ITGA8: variants seen among roughly 807,000 people sequenced by gnomAD.
ITGA8 encodes integrin subunit alpha 8, also known as integrin alpha-8.
Under a neutral mutation model 142.3 loss-of-function variants are expected in ITGA8, and 91 were observed. The ratio of observed to expected loss-of-function variants is 0.64; its 90% CI spans 0.54 to 0.76. The LOEUF is 0.76. Ranked by LOEUF, ITGA8 falls within the 30% of genes least tolerant of loss-of-function variation. The pLI, the probability that ITGA8 is intolerant of heterozygous loss-of-function variation, is 0.00. For missense variants in ITGA8, 1,406 were observed against 1,327.7 expected (o/e 1.06, Z -0.92); for synonymous variants, 505 against 485.2 (o/e 1.04, Z -0.54).
At chr10:15,678,807 TGTTATAAC>T in intron 4 of ITGA8, 24 bp from the exon 5 acceptor site, 1 of 1,466,150 alleles carries the variant, frequency 6.8e-7, no homozygotes, top group East Asian at 2.3e-5. Flanking sequence ...AATACATAAA[TGTTATAAC>T]GTTATCATTC....
intron 2 of ITGA8, among the ~76,000 whole-genome samples, chr10:15,702,857 G>A (rs1310347714): frequency 6.6e-6 from 1 of 152,082 alleles, no homozygotes; most frequent in Non-Finnish European, 1.5e-5. Flanking sequence ...ACAGTACAAA[G>A]TAACAAAACT....
At chr10:15,655,541 C>G (rs1266282640) in intron 10 of ITGA8, 135 bp from the exon 11 acceptor site, 2 of 681,528 alleles carry the variant, frequency 2.9e-6, no homozygotes, top group African/African-American at 3.7e-5. Flanking sequence ...TCGAAGTGGC[C>G]AGGGTCTTTT....
rs192963510 is a variant in ITGA8, at chr10:15,579,606, G to T, written c.2373-4012C>A. 4.6e-5 allele frequency among the ~76,000 whole-genome samples: 7 copies of T among 152,054 alleles called. No individual in the cohort carries two copies. The East Asian group carries it at 1.2e-3, about 25-fold the overall frequency. On this transcript the variant is annotated intron_variant, in intron 23 of 29. Transcript: ENST00000378076. ...ATACATTAATTGTAAATTTTGAAAA[G>T]ATATAAAAATAAGATAGTAGAAAAT...
intron 8 of ITGA8, 150 bp downstream of exon 8, chr10:15,671,453 T>A: frequency 1.7e-6 from 1 of 593,096 alleles, no homozygotes; most frequent in Non-Finnish European, 3.0e-6. Context: ...TGTATCAAAG[T>A]ATTTTTTCTA....
At chr10:15,700,730 A>G (rs2131726157) in intron 2 of ITGA8, among the ~76,000 whole-genome samples, 1 of 152,256 alleles carries the variant, frequency 6.6e-6, no homozygotes, top group East Asian at 1.9e-4. Flanking sequence ...AGAAAAAAAC[A>G]AACAATCCCA....
At chr10:15,626,960 A>T (rs1458230177) in intron 13 of ITGA8, among the ~76,000 whole-genome samples, 1 of 152,088 alleles carries the variant, frequency 6.6e-6, no homozygotes, top group Non-Finnish European at 1.5e-5. Context: ...TGCAAGGGAG[A>T]TGGGAGAGGA....
intron 13 of ITGA8, among the ~76,000 whole-genome samples, chr10:15,634,367 A>G (rs1833735343): frequency 2.0e-5 from 3 of 152,106 alleles, no homozygotes; most frequent in Admixed American, 2.0e-4. Context: ...TGATTTATAC[A>G]TATTATCTAG....
chr10:15,668,478 G>T (rs543288735), intron 8 of ITGA8, among the ~76,000 whole-genome samples: 1 of 150,058 alleles, frequency 6.7e-6, no homozygotes, highest in African/African-American at 2.4e-5. Context: ...TATGCGATTT[G>T]CCAGTCTGTG....
intron 25 of ITGA8, among the ~76,000 whole-genome samples, chr10:15,567,837 C>T (rs1465224271): frequency 6.6e-6 from 1 of 152,176 alleles, no homozygotes; most frequent in African/African-American, 2.4e-5. Flanking sequence ...TCCACCTTCC[C>T]TCACGCCCTA....
intron 26 of ITGA8, among the ~76,000 whole-genome samples, chr10:15,556,932 C>T (rs1204852272): frequency 6.6e-6 from 1 of 152,170 alleles, no homozygotes; most frequent in African/African-American, 2.4e-5. Context: ...CATGCAGCTT[C>T]CTACTTTTTA....
chr10:15,570,354 T>C (rs1834155957), intron 25 of ITGA8, among the ~76,000 whole-genome samples: 1 of 152,120 alleles, frequency 6.6e-6, no homozygotes, highest in African/African-American at 2.4e-5. Context: ...ACGCCTGTAA[T>C]CCCAGCACTT....
intron 8 of ITGA8, among the ~76,000 whole-genome samples, chr10:15,667,982 G>T (rs1184967866): frequency 9.3e-5 from 14 of 149,856 alleles, no homozygotes; most frequent in South Asian, 2.1e-4. Context: ...GTGCTGAAAA[G>T]AATGTATATT....
intron 15 of ITGA8, among the ~76,000 whole-genome samples, chr10:15,609,551 C>T (rs117300429): frequency 9.9e-5 from 15 of 152,270 alleles, no homozygotes; most frequent in South Asian, 8.3e-4. Flanking sequence ...GAAATGTCTA[C>T]GCTATTACAA....
intron 8 of ITGA8, among the ~76,000 whole-genome samples, chr10:15,662,246 A>G (rs11253599): frequency 0.096 from 14,560 of 151,886 alleles, 916 homozygotes; most frequent in East Asian, 0.29. Flanking sequence ...CTGTCACTCA[A>G]CTACAAAAAA....
intron 28 of ITGA8, among the ~76,000 whole-genome samples, chr10:15,525,868 AT>A (rs906746394): frequency 2.0e-5 from 3 of 152,022 alleles, no homozygotes; most frequent in African/African-American, 4.8e-5. Context: ...AATAATTTAC[AT>A]TTTTTTACTA....
At position 15,658,080 on chromosome 10, in the gene ITGA8, T is replaced by G. The variant is rs1834219778; in HGVS notation, c.948+919A>C. Among the ~76,000 whole-genome samples, 3 of 152,210 alleles carry G rather than the reference T, an allele frequency of 2.0e-5. 1 individual carries two copies. The South Asian group carries it at 6.2e-4, about 32-fold the overall frequency. ...AAGGAATTAACATTTCTTGAGGAGT[T>G]GTTATGTGCCAGGGAATCTTCTAAG... On this transcript the variant is annotated intron_variant, in intron 10 of 29. Coordinates refer to ENST00000378076, the MANE Select transcript of ITGA8 (RefSeq NM_003638.3).
chr10:15,663,503 A>C (rs2074948062), intron 8 of ITGA8, among the ~76,000 whole-genome samples: 1 of 151,516 alleles, frequency 6.6e-6, no homozygotes, highest in African/African-American at 2.4e-5. Context: ...CCTACAATAT[A>C]CTCTTGTGCA....
intron 15 of ITGA8, among the ~76,000 whole-genome samples, chr10:15,612,522 C>A (rs1405431528): frequency 6.6e-6 from 1 of 152,206 alleles, no homozygotes; most frequent in East Asian, 1.9e-4. Context: ...ATAGTGACTT[C>A]TAACTCTTGA....
At chr10:15,666,672 T>G (rs932424896) in intron 8 of ITGA8, among the ~76,000 whole-genome samples, 8 of 152,190 alleles carry the variant, frequency 5.3e-5, no homozygotes, top group South Asian at 2.1e-4. Flanking sequence ...AGATAGCTCT[T>G]ATTATTTTGA....
Sources: gnomAD v4.1 joint callset for allele counts (sites outside exome capture counted in the v4.1 genomes callset) on GRCh38, gnomAD v4.1.1 for gene constraint, MANE v1.5 for transcripts, NCBI Gene and HGNC (gene_info 2026-07-23, HGNC 2026-07-21) for gene names.